The following GALNT17 variants were observed in gnomAD, a reference collection of about 807,000 sequenced individuals.
GALNT17 encodes the protein polypeptide N-acetylgalactosaminyltransferase 17.
A neutral mutation model predicts 63.7 loss-of-function variants in GALNT17; 29 were observed. That is an observed-to-expected ratio of 0.46 (90% confidence interval 0.34 to 0.62). GALNT17 has a LOEUF of 0.62. GALNT17 is among the 20% of genes least tolerant of loss of function. GALNT17 has a pLI of 0.01. For synonymous variants in GALNT17, 305 were observed against 318.3 expected (o/e 0.96, Z 0.45); for missense variants, 603 against 799.6 (o/e 0.75, Z 2.97).
At chr7:71,378,662 C>T (rs922360187) in intron 2 of GALNT17, among the ~76,000 whole-genome samples, 4 of 151,910 alleles carry the variant, frequency 2.6e-5, no homozygotes, top group Non-Finnish European at 5.9e-5. Context: ...ATTTATCTGC[C>T]AAGCATTCTG....
At chr7:71,199,522 TCATCCATCCATCCATC>T (rs34691979) in intron 1 of GALNT17, among the ~76,000 whole-genome samples, 39 of 142,794 alleles carry the variant, frequency 2.7e-4, no homozygotes, top group South Asian at 6.8e-4. Context: ...CCCCATCCAT[TCATCCATCCATCCATC>T]CATCCATCCA....
chr7:71,545,409 A>G (rs1345914328), intron 5 of GALNT17, among the ~76,000 whole-genome samples: 4 of 152,044 alleles, frequency 2.6e-5, no homozygotes, highest in African/African-American at 9.7e-5. Context: ...CTGGAGTGCA[A>G]TGGCATGATC....
intron 3 of GALNT17, among the ~76,000 whole-genome samples, chr7:71,396,127 A>G (rs908480198): frequency 6.6e-6 from 1 of 152,092 alleles, no homozygotes; most frequent in African/African-American, 2.4e-5. Flanking sequence ...GATAAAGTCC[A>G]GTTTTTCTTT....
chr7:71,495,619 GC>G (rs1788081806), intron 5 of GALNT17, among the ~76,000 whole-genome samples: 1 of 152,116 alleles, frequency 6.6e-6, no homozygotes, highest in Non-Finnish European at 1.5e-5. Context: ...CAGTGGCCAG[GC>G]CCCTAATGAC....
intron 6 of GALNT17, among the ~76,000 whole-genome samples, chr7:71,580,911 G>A (rs768553590): frequency 6.6e-6 from 1 of 152,166 alleles, no homozygotes. Context: ...TGGATGTACC[G>A]GTGCCCTTTA....
intron 9 of GALNT17, among the ~76,000 whole-genome samples, chr7:71,683,764 T>C (rs1791305304): frequency 6.6e-6 from 1 of 152,046 alleles, no homozygotes; most frequent in South Asian, 2.1e-4. Flanking sequence ...TCCCAGCACT[T>C]TGGGAGGCCA....
intron 5 of GALNT17, among the ~76,000 whole-genome samples, chr7:71,557,810 C>T (rs1266185284): frequency 6.6e-6 from 1 of 150,974 alleles, no homozygotes; most frequent in Non-Finnish European, 1.5e-5. Context: ...CAGTGGCTCA[C>T]ATCTGTAATC....
chr7:71,595,776 A>G (rs565245060), intron 6 of GALNT17, among the ~76,000 whole-genome samples: 1 of 152,090 alleles, frequency 6.6e-6, no homozygotes, highest in African/African-American at 2.4e-5. Flanking sequence ...GGCCAAGACA[A>G]CTACAGATAT....
intron 1 of GALNT17, among the ~76,000 whole-genome samples, chr7:71,328,179 T>G (rs1283872745): frequency 6.6e-6 from 1 of 152,232 alleles, no homozygotes; most frequent in East Asian, 1.9e-4. Context: ...TACCTAATAG[T>G]GCCACTTGGC....
chr7:71,249,319 T>G (rs1254749843), intron 1 of GALNT17, among the ~76,000 whole-genome samples: 2 of 152,222 alleles, frequency 1.3e-5, no homozygotes, highest in African/African-American at 2.4e-5. Context: ...TTTCTCTCGT[T>G]AATTTTGGGA....
At chr7:71,346,185 AGTGTGTACATGTGACAGTGT>A (rs1343582167) in intron 2 of GALNT17, among the ~76,000 whole-genome samples, 5 of 151,784 alleles carry the variant, frequency 3.3e-5, no homozygotes, top group African/African-American at 1.2e-4. Context: ...GAGTGAGATG[AGTGTGTACATGTGACAGTGT>A]GTGTGTATAT....
In GALNT17 at chr7:71,497,398, A is replaced by G. The variant is rs534019820; in HGVS notation, c.963-73887A>G. Among the ~76,000 whole-genome samples, 81 of 152,250 alleles carry G rather than the reference A, an allele frequency of 5.3e-4. 1 individual carries two copies. In the South Asian group the frequency reaches 0.017, roughly 31 times the overall value. On this transcript the variant is annotated intron_variant, in intron 5 of 10. Transcript: ENST00000333538. The stretch of plus-strand genomic sequence containing the variant: ...TGAGGCCTCTCTCCTTGGCTTGTCG[A>G]AGGCTGTCTTCTCTCTGGGGCCTCA...
intron 1 of GALNT17, among the ~76,000 whole-genome samples, chr7:71,324,873 C>T (rs565330946): frequency 3.9e-4 from 59 of 152,144 alleles, no homozygotes; most frequent in African/African-American, 1.3e-3. Context: ...TGCTTTGTGT[C>T]TAATAGACAT....
chr7:71,632,166 G>C (rs1172113870), intron 6 of GALNT17, among the ~76,000 whole-genome samples: 1 of 152,156 alleles, frequency 6.6e-6, no homozygotes, highest in African/African-American at 2.4e-5. Flanking sequence ...CTCTTACAAG[G>C]ACCATTAAGG....
intron 5 of GALNT17, among the ~76,000 whole-genome samples, chr7:71,493,325 A>G (rs116860625): frequency 0.048 from 7,250 of 152,240 alleles, 239 homozygotes; most frequent in South Asian, 0.15. Context: ...TCACCTTCAT[A>G]TTGAAGAATC....
At chr7:71,434,329 T>G (rs1015485284) in intron 5 of GALNT17, among the ~76,000 whole-genome samples, 53 of 152,064 alleles carry the variant, frequency 3.5e-4, no homozygotes, top group African/African-American at 1.3e-3. Flanking sequence ...ACATCCTTGG[T>G]GAAGGTTTAG....
intron 1 of GALNT17, among the ~76,000 whole-genome samples, chr7:71,222,615 G>A (rs1283499362): frequency 6.6e-6 from 1 of 152,142 alleles, no homozygotes; most frequent in East Asian, 1.9e-4. Context: ...CTTTTGAAGA[G>A]GACTAGTCAG....
At position 71,194,395 on chromosome 7, in the gene GALNT17, G is replaced by C. The variant is rs1789008253; in HGVS notation, c.238+61355G>C. ...ACATTTTTTTCCCTACCTGGGAAAA[G>C]GGTATATGGGATCTTAAGAAAAGGG... On this transcript the variant is annotated intron_variant, in intron 1 of 10. Transcript: ENST00000333538. Among the ~76,000 whole-genome samples the C allele has an allele frequency of 3.3e-5, 5 of 152,168 alleles. 1 individual carries two copies. The South Asian group carries it at 1.0e-3, about 32-fold the overall frequency.
intron 1 of GALNT17, among the ~76,000 whole-genome samples, chr7:71,296,564 C>T (rs10231961): frequency 0.21 from 31,087 of 151,044 alleles, 3,305 homozygotes; most frequent in East Asian, 0.32. Context: ...TGCAGTGAGC[C>T]GAGATCATTC....
Sources: allele counts gnomAD v4.1 joint callset (sites outside exome capture counted in the v4.1 genomes callset), GRCh38; gene constraint gnomAD v4.1.1; transcripts MANE v1.5; gene names NCBI Gene and HGNC (gene_info 2026-07-23, HGNC 2026-07-21).